CHST11: variants seen among roughly 807,000 people sequenced by gnomAD.
CHST11 encodes the protein carbohydrate sulfotransferase 11.
Under a neutral mutation model 30.4 loss-of-function variants are expected in CHST11, and 9 were observed. That is an observed-to-expected ratio of 0.30 (90% CI 0.18 to 0.52). The LOEUF is 0.52. Among genes scored for constraint, CHST11 ranks in the 20% least tolerant of loss-of-function variants. The probability of loss-of-function intolerance (pLI) is 0.97; values close to 1 mark genes in which losing one functional copy is unlikely to be tolerated. For missense variants in CHST11, 348 were observed against 460.6 expected (o/e 0.76, Z 2.24); for synonymous variants, 152 against 187.8 (o/e 0.81, Z 1.56).
At chr12:104,661,011 A>G (rs1039602271) in intron 2 of CHST11, among the ~76,000 whole-genome samples, 3 of 151,966 alleles carry the variant, frequency 2.0e-5, no homozygotes, top group African/African-American at 7.3e-5. Flanking sequence ...AGCTCGATCC[A>G]CTCTGTCCAC....
intron 1 of CHST11, among the ~76,000 whole-genome samples, chr12:104,524,250 C>G (rs1003877472): frequency 4.6e-5 from 7 of 152,090 alleles, no homozygotes; most frequent in Non-Finnish European, 8.8e-5. Context: ...AAATTATTTG[C>G]ATTCACCATG....
intron 2 of CHST11, among the ~76,000 whole-genome samples, chr12:104,674,717 T>C (rs1052132026): frequency 1.3e-5 from 2 of 152,244 alleles, no homozygotes; most frequent in Non-Finnish European, 2.9e-5. Context: ...ATTAGACTTT[T>C]TTTTTTCAGC....
chr12:104,537,400 G>T (rs1368252086), intron 1 of CHST11, among the ~76,000 whole-genome samples: 1 of 152,178 alleles, frequency 6.6e-6, no homozygotes, highest in East Asian at 1.9e-4. Context: ...GGGGGTAGTG[G>T]GGCCAAGCAG....
intron 2 of CHST11, among the ~76,000 whole-genome samples, chr12:104,646,319 A>G (rs2039429734): frequency 6.6e-6 from 1 of 152,032 alleles, no homozygotes; most frequent in Admixed American, 6.5e-5. Flanking sequence ...CACTTGGCCA[A>G]CACCTACTTA....
chr12:104,602,900 G>C (rs535239222), intron 2 of CHST11, among the ~76,000 whole-genome samples: 11 of 152,246 alleles, frequency 7.2e-5, no homozygotes, highest in Middle Eastern at 3.4e-3. Flanking sequence ...CTTGTAAAGG[G>C]ATGCACTTGA....
chr12:104,542,092 TGAGAA>T (rs2038292378), intron 1 of CHST11, among the ~76,000 whole-genome samples: 1 of 152,252 alleles, frequency 6.6e-6, no homozygotes, highest in Admixed American at 6.5e-5. Flanking sequence ...TTTCCTCAAT[TGAGAA>T]GAGTGAGGCA....
intron 1 of CHST11, among the ~76,000 whole-genome samples, chr12:104,483,692 T>C (rs954634313): frequency 1.3e-5 from 2 of 152,218 alleles, no homozygotes; most frequent in Non-Finnish European, 2.9e-5. Context: ...GAGTTTGTTT[T>C]ATGTCTCTTC....
Position 104,757,249 on chromosome 12 carries a change from A to G in CHST11, c.505A>G (p.Ile169Val). ...ANLKTLNQYS[I>V]PEINHRLKSY... ...CCTGAAGACCCTGAACCAGTACAGC[A>G]TCCCAGAAATCAACCACCGCTTGAA... Residue 169 changes from isoleucine to valine, a missense_variant, in exon 3 of 3, where the codon ATC (isoleucine) becomes GTC (valine). Coordinates refer to ENST00000303694, the MANE Select transcript of CHST11 (RefSeq NM_018413.6). This position sits in a 1 kb window ranked among gnomAD's most constrained non-coding sequence, Gnocchi z 6.5. 6.2e-7 allele frequency: 1 copy of G among 1,614,094 alleles called. No homozygotes were observed. Among genetic ancestry groups the G allele is most frequent in the South Asian group, 1.1e-5 (1 of 91,070 alleles).
chr12:104,467,502 A>G (rs2135951960), intron 1 of CHST11, among the ~76,000 whole-genome samples: 1 of 152,304 alleles, frequency 6.6e-6, no homozygotes, highest in South Asian at 2.1e-4. Context: ...TGCCAGTTCT[A>G]GCGGTGGTGG....
At chr12:104,516,488 G>A (rs543670880) in intron 1 of CHST11, among the ~76,000 whole-genome samples, 1 of 152,168 alleles carries the variant, frequency 6.6e-6, no homozygotes, top group South Asian at 2.1e-4. Flanking sequence ...CAATGAGGTG[G>A]ATATCATTTC....
At chr12:104,748,389 A>G (rs1427925203) in intron 2 of CHST11, among the ~76,000 whole-genome samples, 1 of 152,114 alleles carries the variant, frequency 6.6e-6, no homozygotes, top group Non-Finnish European at 1.5e-5. Flanking sequence ...TGAATTCTCA[A>G]CACCCAGGAC....
chr12:104,457,170 C>T lies in CHST11; in HGVS notation c.-242C>T. On this transcript the variant is annotated 5_prime_UTR_variant, in exon 1 of 3. Transcript: ENST00000303694. Reference sequence around the variant, plus strand: ...GCGGCGGAGCGGCGAGGAGGAGGAGCAGGAGCGCGCAGCCAGCGGGTCCAC... The same window carrying T: ...GCGGCGGAGCGGCGAGGAGGAGGAGTAGGAGCGCGCAGCCAGCGGGTCCAC... 1 of 343,060 alleles carries T rather than the reference C, an allele frequency of 2.9e-6. No individual in the cohort carries two copies. Among genetic ancestry groups the T allele is most frequent in the South Asian group, 9.2e-5 (1 of 10,824 alleles). 21.3% of individuals were successfully genotyped at this position (343,060 alleles called of 1,614,324 possible). A position where few individuals can be genotyped will look rare whatever the true frequency, so the allele number is the denominator to read the frequency against.
intron 2 of CHST11, among the ~76,000 whole-genome samples, chr12:104,706,831 C>T (rs1304049556): frequency 6.6e-6 from 1 of 152,076 alleles, no homozygotes; most frequent in Non-Finnish European, 1.5e-5. Flanking sequence ...GAGTCTATGC[C>T]ACTGTAGAGC....
chr12:104,638,582 G>A (rs2039347406), intron 2 of CHST11, among the ~76,000 whole-genome samples: 1 of 152,140 alleles, frequency 6.6e-6, no homozygotes, highest in Admixed American at 6.5e-5. Context: ...GCAGGATAGG[G>A]TATTGTGAGG....
intron 1 of CHST11, among the ~76,000 whole-genome samples, chr12:104,486,071 T>C (rs1193511248): frequency 2.0e-5 from 3 of 152,338 alleles, no homozygotes; most frequent in Non-Finnish European, 4.4e-5. Context: ...TTCGTCTTCC[T>C]TCCCCTCCCA....
intron 1 of CHST11, chr12:104,514,043 G>A (rs2135983392): frequency 4.5e-6 from 4 of 895,270 alleles, no homozygotes; most frequent in Non-Finnish European, 5.5e-6. Flanking sequence ...AGACCCCCGG[G>A]GCACTACTCA....
intron 1 of CHST11, among the ~76,000 whole-genome samples, chr12:104,476,685 A>C (rs1326752387): frequency 6.6e-6 from 1 of 152,054 alleles, no homozygotes; most frequent in East Asian, 1.9e-4. Flanking sequence ...AAGTGTAACC[A>C]AATTATTTTC....
At chr12:104,701,658 C>T (rs1442277313) in intron 2 of CHST11, among the ~76,000 whole-genome samples, 2 of 152,222 alleles carry the variant, frequency 1.3e-5, no homozygotes, top group Non-Finnish European at 2.9e-5. Flanking sequence ...TGCTCTATGA[C>T]ATTTTCAAAG....
At chr12:104,742,365 G>A (rs537662513) in intron 2 of CHST11, among the ~76,000 whole-genome samples, 5 of 152,188 alleles carry the variant, frequency 3.3e-5, no homozygotes, top group Admixed American at 2.6e-4. Flanking sequence ...GGAGGTTGAC[G>A]GCCTCCCTGG....
Sources: gnomAD v4.1 joint callset for allele counts (sites outside exome capture counted in the v4.1 genomes callset) on GRCh38, gnomAD v4.1.1 for gene constraint, Gnocchi (gnomAD v3.1) non-coding constraint, MANE v1.5 for transcripts, NCBI Gene and HGNC (gene_info 2026-07-23, HGNC 2026-07-21) for gene names.